The following KLHL8 variants were observed in gnomAD, a reference collection of about 807,000 sequenced individuals.
KLHL8 encodes the protein kelch-like protein 8.
KLHL8 carries 38 observed loss-of-function variants against 63.5 expected under a neutral mutation model. That is an observed-to-expected ratio of 0.60 (90% CI 0.46 to 0.78). KLHL8 has a LOEUF of 0.78. KLHL8 is among the 30% of genes least tolerant of loss of function. The pLI is 0.00. For synonymous variants in KLHL8, 224 were observed against 254.3 expected, an observed-to-expected ratio of 0.88 and a Z score of 1.13; for missense variants, 566 against 752.4, an observed-to-expected ratio of 0.75 and a Z score of 2.90.
chr4:87,230,946 G>T (rs781046887), intron 1 of KLHL8, among the ~76,000 whole-genome samples: 4 of 152,196 alleles, frequency 2.6e-5, no homozygotes, highest in Non-Finnish European at 5.9e-5. Flanking sequence ...TGACATCGGG[G>T]CTGTGTAGCA....
intron 1 of KLHL8, among the ~76,000 whole-genome samples, chr4:87,230,357 T>C (rs1050461967): frequency 1.3e-5 from 2 of 152,164 alleles, no homozygotes; most frequent in African/African-American, 4.8e-5. Context: ...CTTCTGTCAA[T>C]TTCATCCATA....
At chr4:87,221,771 AT>A (rs1418171003), upstream of KLHL8, among the ~76,000 whole-genome samples, 1 of 152,144 alleles carries the variant, frequency 6.6e-6, no homozygotes, top group Non-Finnish European at 1.5e-5. Flanking sequence ...AAAAAATCAC[AT>A]TTTTTACATT....
At chr4:87,190,402 T>TG (rs938778880) in intron 2 of KLHL8, among the ~76,000 whole-genome samples, 9 of 152,280 alleles carry the variant, frequency 5.9e-5, no homozygotes, top group South Asian at 2.1e-4. Context: ...CCCAGCACTT[T>TG]GGGAGGCCAA....
intron 2 of KLHL8, among the ~76,000 whole-genome samples, chr4:87,190,329 A>C (rs1731432424): frequency 2.6e-5 from 4 of 152,168 alleles, no homozygotes; most frequent in Non-Finnish European, 5.9e-5. Flanking sequence ...AGGTAATAAT[A>C]ATCTTGATAC....
At chr4:87,193,389 G>A (rs1036910851) in intron 2 of KLHL8, among the ~76,000 whole-genome samples, 1 of 152,152 alleles carries the variant, frequency 6.6e-6, no homozygotes, top group Non-Finnish European at 1.5e-5. Context: ...GAAAGGAGAG[G>A]ACACATGGAG....
At chr4:87,193,561 A>G (rs1731575862) in intron 2 of KLHL8, among the ~76,000 whole-genome samples, 1 of 152,216 alleles carries the variant, frequency 6.6e-6, no homozygotes, top group Non-Finnish European at 1.5e-5. Flanking sequence ...CTTTAGAAGT[A>G]GCAAGAGTAC....
intron 2 of KLHL8, among the ~76,000 whole-genome samples, chr4:87,190,754 A>G (rs1187354889): frequency 3.3e-5 from 5 of 152,214 alleles, no homozygotes; most frequent in African/African-American, 7.2e-5. Context: ...TTGAGACTAG[A>G]AAGTTCAAGA....
chr4:87,212,131 G>T (rs1732428295), intron 1 of KLHL8, among the ~76,000 whole-genome samples: 1 of 152,052 alleles, frequency 6.6e-6, no homozygotes, highest in African/African-American at 2.4e-5. Flanking sequence ...AAATTGGTAG[G>T]GCTGTCAGGA....
Position 87,227,204 on chromosome 4 carries a change from C to T in KLHL8, n.58-5814G>A, listed in dbSNP as rs115091837. On this transcript the variant is annotated intron_variant and non_coding_transcript_variant, in intron 1 of 1. Coordinates refer to the KLHL8 transcript ENST00000506274. ...ATTGTTAGCAGGATGGCTGAAAGCC[C>T]AGCTAAAAGTGCAACTATTGCACAG... 2.2e-3 allele frequency among the ~76,000 whole-genome samples: 333 copies of T among 151,330 alleles called. 2 individuals carry two copies. The highest frequency in any genetic ancestry group is 7.4e-3 in the African/African-American group (303 of 41,222).
At chr4:87,192,113 C>T (rs1313387562) in intron 2 of KLHL8, among the ~76,000 whole-genome samples, 1 of 152,100 alleles carries the variant, frequency 6.6e-6, no homozygotes, top group Non-Finnish European at 1.5e-5. Context: ...ATTTATTTTC[C>T]TCTGGGTATA....
At position 87,234,006 on chromosome 4, in the gene KLHL8, T is replaced by C. The variant is rs1447398328; in HGVS notation, n.57+6252A>G. 2.0e-5 allele frequency among the ~76,000 whole-genome samples: 3 copies of C among 152,238 alleles called. No homozygotes were observed. The South Asian group carries it at 6.2e-4, about 32-fold the overall frequency. ...ATTTGTCACAATCAGTGTTCACTTA[T>C]TGGATGAAGAACTACATTTAGAGTA... On this transcript the variant is annotated intron_variant and non_coding_transcript_variant, in intron 1 of 1. Coordinates refer to the KLHL8 transcript ENST00000506274.
In KLHL8 at chr4:87,167,320, C is replaced by T. The variant is rs927146025; in HGVS notation, c.1537+2759G>A. 5.9e-5 allele frequency: 27 copies of T among 453,890 alleles called. 1 individual carries two copies. Among genetic ancestry groups the T allele is most frequent in the South Asian group, 4.9e-4 (27 of 54,558 alleles). 28.1% of individuals were successfully genotyped at this position (453,890 alleles called of 1,614,324 possible). A position where few individuals can be genotyped will look rare whatever the true frequency, so the allele number is the denominator to read the frequency against. On this transcript the variant is annotated intron_variant, in intron 8 of 9. Coordinates refer to ENST00000273963, the MANE Select transcript of KLHL8 (RefSeq NM_020803.5). ...CTGCTTTAGTGTTCAAAGACCTGTT[C>T]CACCTCTGCCTGGTTTGGAAAACAT...
At position 87,185,256 on chromosome 4, in the gene KLHL8, C is replaced by A; in HGVS notation, c.760G>T (p.Ala254Ser). The A allele has an allele frequency of 6.2e-7, 1 of 1,608,552 alleles. No individual in the cohort carries two copies. Among genetic ancestry groups the A allele is most frequent in the African/African-American group, 1.3e-5 (1 of 74,898 alleles). ...HHSKWLDETLAQVRLPLLPVD... is the reference protein window; with the variant it reads ...HHSKWLDETLSQVRLPLLPVD... ...AATCTTATTTCAGCTCCTACCTGTG[C>A]AAGTGTTTCATCCAACCATTTGGAA... Residue 254 changes from alanine to serine, a missense_variant, in exon 3 of 10, where the codon GCA (alanine) becomes TCA (serine). Transcript: ENST00000273963.
intron 1 of KLHL8, among the ~76,000 whole-genome samples, chr4:87,235,893 C>A (rs1177845494): frequency 1.4e-5 from 2 of 144,722 alleles, no homozygotes; most frequent in Non-Finnish European, 3.0e-5. Context: ...CGGGGCGGGT[C>A]GGTGGGGAGG....
Position 87,160,170 on chromosome 4 carries a change from T to A in KLHL8, c.*3349A>T, listed in dbSNP as rs1730105024. On this transcript the variant is annotated 3_prime_UTR_variant, in exon 10 of 10. Transcript: ENST00000273963. Reference sequence around the variant, plus strand: ...TAGCACTGATGTGACCCCAACTTTTTGATATCCATAGTTGGTGATATATAT... The same window carrying A: ...TAGCACTGATGTGACCCCAACTTTTAGATATCCATAGTTGGTGATATATAT... 6.6e-6 allele frequency: 1 copy of A among 152,206 alleles called. No homozygotes were observed. Among genetic ancestry groups the A allele is most frequent in the African/African-American group, 2.4e-5 (1 of 41,466 alleles). The allele number at this position is 152,206 out of a possible 1,614,324, so 9.4% of individuals were successfully genotyped here.
intron 1 of KLHL8, among the ~76,000 whole-genome samples, chr4:87,231,902 G>A (rs1427559899): frequency 6.6e-6 from 1 of 152,064 alleles, no homozygotes; most frequent in Non-Finnish European, 1.5e-5. Flanking sequence ...CCGGTTGATT[G>A]TCCACTTTTA....
chr4:87,226,505 T>C (rs989212311), intron 1 of KLHL8, among the ~76,000 whole-genome samples: 1 of 145,482 alleles, frequency 6.9e-6, no homozygotes, highest in African/African-American at 2.5e-5. Context: ...GAGGTTGCAG[T>C]GAGCTGAGAT....
In KLHL8 at chr4:87,162,096, T is replaced by C. The variant is rs1351549808; in HGVS notation, c.*1423A>G. 1 of 152,168 alleles carries C rather than the reference T, an allele frequency of 6.6e-6. No homozygotes were observed. The highest frequency in any genetic ancestry group is 1.9e-4 in the East Asian group (1 of 5,196). The allele number at this position is 152,168 out of a possible 1,614,324, so 9.4% of individuals were successfully genotyped here. A position where few individuals can be genotyped will look rare whatever the true frequency, so the allele number is the denominator to read the frequency against. On this transcript the variant is annotated 3_prime_UTR_variant, in exon 10 of 10. Coordinates refer to ENST00000273963, the MANE Select transcript of KLHL8 (RefSeq NM_020803.5). The stretch of plus-strand genomic sequence containing the variant: ...GGGCTGGATGGATCAACGAAGTGTT[T>C]TTCACTGCCCCAGCTTCCTTATGAA...
At chr4:87,208,281 T>A (rs1368474099) in intron 1 of KLHL8, among the ~76,000 whole-genome samples, 1 of 151,750 alleles carries the variant, frequency 6.6e-6, no homozygotes, top group Non-Finnish European at 1.5e-5. Flanking sequence ...AAGTCCCCTA[T>A]GCTTAGCCAA....
Sources: allele counts gnomAD v4.1 joint callset (sites outside exome capture counted in the v4.1 genomes callset), GRCh38; gene constraint gnomAD v4.1.1; transcripts MANE v1.5; gene names NCBI Gene and HGNC (gene_info 2026-07-23, HGNC 2026-07-21).